The following SPOCK3 variants were observed in gnomAD, a reference collection of about 807,000 sequenced individuals.
SPOCK3 encodes the protein testican-3.
A neutral mutation model predicts 56.6 loss-of-function variants in SPOCK3; 30 were observed. That is an observed-to-expected ratio of 0.53 (90% CI 0.40 to 0.72). SPOCK3 has a LOEUF of 0.72. Ranked by LOEUF, SPOCK3 falls within the 30% of genes least tolerant of loss-of-function variation. The pLI, the probability that SPOCK3 is intolerant of heterozygous loss-of-function variation, is 0.00. For synonymous variants in SPOCK3, 196 were observed against 183.3 expected, an observed-to-expected ratio of 1.07 and a Z score of -0.56; for missense variants, 527 against 530.0, an observed-to-expected ratio of 0.99 and a Z score of 0.06.
At chr4:166,754,282 T>G (rs1736780756) in intron 8 of SPOCK3, 2 of 1,256,894 alleles carry the variant, frequency 1.6e-6, no homozygotes, top group Admixed American at 3.8e-5. Context: ...GTAGTGGCAT[T>G]AATACAAAAT....
At chr4:166,880,216 G>GT (rs1733545769) in intron 6 of SPOCK3, among the ~76,000 whole-genome samples, 1 of 152,128 alleles carries the variant, frequency 6.6e-6, no homozygotes. Flanking sequence ...TCTAATAGCT[G>GT]AAGTCTGTGG....
At chr4:166,778,818 G>T (rs1705807938) in intron 7 of SPOCK3, among the ~76,000 whole-genome samples, 1 of 151,908 alleles carries the variant, frequency 6.6e-6, no homozygotes, top group Admixed American at 6.6e-5. Context: ...TATGTGTAGT[G>T]AATTTCCAAT....
At chr4:166,955,229 A>G (rs1348993665) in intron 4 of SPOCK3, among the ~76,000 whole-genome samples, 1 of 151,728 alleles carries the variant, frequency 6.6e-6, no homozygotes, top group Non-Finnish European at 1.5e-5. Flanking sequence ...AAATATATCA[A>G]TATATTTTTA....
At chr4:167,090,112 T>C (rs1458161634) in intron 2 of SPOCK3, among the ~76,000 whole-genome samples, 5 of 152,190 alleles carry the variant, frequency 3.3e-5, no homozygotes, top group Non-Finnish European at 5.9e-5. Context: ...TGTGGACATA[T>C]GTTTTTATTT....
At chr4:166,949,622 C>T (rs1263513582) in intron 4 of SPOCK3, among the ~76,000 whole-genome samples, 6 of 152,064 alleles carry the variant, frequency 3.9e-5, no homozygotes, top group African/African-American at 1.4e-4. Flanking sequence ...CCCTGTTTGC[C>T]TGGGTATCCA....
At chr4:167,058,206 A>G (rs1446304729) in intron 3 of SPOCK3, among the ~76,000 whole-genome samples, 1 of 152,186 alleles carries the variant, frequency 6.6e-6, no homozygotes, top group Admixed American at 6.5e-5. Context: ...GAGGAAGTCA[A>G]ATTGTCCCTG....
At chr4:166,951,909 A>G (rs1742681916) in intron 4 of SPOCK3, among the ~76,000 whole-genome samples, 1 of 152,218 alleles carries the variant, frequency 6.6e-6, no homozygotes, top group South Asian at 2.1e-4. Flanking sequence ...CTCTCAAAAA[A>G]TTAGGTATTG....
chr4:166,775,655 A>G (rs11933166), intron 7 of SPOCK3, among the ~76,000 whole-genome samples: 18 of 152,246 alleles, frequency 1.2e-4, no homozygotes, highest in African/African-American at 4.1e-4. Context: ...CTTTGGGACT[A>G]CCAACATTTA....
chr4:166,782,555 T>C (rs866227364), intron 7 of SPOCK3, among the ~76,000 whole-genome samples: 36 of 152,044 alleles, frequency 2.4e-4, no homozygotes, highest in African/African-American at 8.2e-4. Context: ...TTCTGGGCCA[T>C]AAAACAGACC....
chr4:166,913,350 C>T (rs1737478346), intron 4 of SPOCK3, among the ~76,000 whole-genome samples: 1 of 152,158 alleles, frequency 6.6e-6, no homozygotes, highest in African/African-American at 2.4e-5. Flanking sequence ...TCTTCTGCCA[C>T]CTACACTTAC....
At chr4:167,058,697 A>G (rs1338168847) in intron 3 of SPOCK3, among the ~76,000 whole-genome samples, 1 of 152,172 alleles carries the variant, frequency 6.6e-6, no homozygotes, top group Non-Finnish European at 1.5e-5. Flanking sequence ...CGCCAAGTCA[A>G]TCCTAAGCCA....
intron 3 of SPOCK3, among the ~76,000 whole-genome samples, chr4:167,059,849 A>G (rs1348476271): frequency 3.9e-5 from 6 of 152,118 alleles, no homozygotes; most frequent in South Asian, 2.1e-4. Context: ...CATGTCCTTT[A>G]TAGCGACATG....
At position 166,889,133 on chromosome 4, in the gene SPOCK3, T is replaced by C; in HGVS notation, c.586A>G (p.Arg196Gly). The change falls in exon 6 of 11, where the codon AGA becomes GGA. Residue 196 changes from arginine to glycine, a missense_variant. Arg to Gly is a moderately radical substitution (Grantham distance 125). Transcript: ENST00000357545. ...TAAATATATTTTTGTCACTTACCTC[T>C]CTTAACATTTCTGCTTGTACTGGTG... Reference protein sequence around the residue: ...KPTSTSRNVKRACSDLEFREV... With the variant: ...KPTSTSRNVKGACSDLEFREV... 6.3e-7 allele frequency: 1 copy of C among 1,585,548 alleles called. No homozygotes were observed. Among genetic ancestry groups the C allele is most frequent in the Non-Finnish European group, 8.7e-7 (1 of 1,154,928 alleles).
chr4:166,740,848 G>C (rs1734772389), intron 9 of SPOCK3, among the ~76,000 whole-genome samples: 1 of 152,076 alleles, frequency 6.6e-6, no homozygotes, highest in Non-Finnish European at 1.5e-5. Flanking sequence ...TTTCATTTGT[G>C]AGCTGTGGTA....
intron 6 of SPOCK3, among the ~76,000 whole-genome samples, chr4:166,826,863 G>T (rs1447865917): frequency 2.0e-5 from 3 of 151,980 alleles, no homozygotes; most frequent in Non-Finnish European, 4.4e-5. Context: ...CTCGAAGAGG[G>T]CAAATGGCCT....
chr4:166,975,415 G>A (rs1745839349), intron 4 of SPOCK3, among the ~76,000 whole-genome samples: 1 of 152,058 alleles, frequency 6.6e-6, no homozygotes, highest in South Asian at 2.1e-4. Context: ...GGGTACATGA[G>A]GTATTCGATA....
At chr4:167,120,960 AT>A (rs1211876312) in intron 2 of SPOCK3, among the ~76,000 whole-genome samples, 1 of 151,826 alleles carries the variant, frequency 6.6e-6, no homozygotes, top group Non-Finnish European at 1.5e-5. Flanking sequence ...CCAAATGTCT[AT>A]TTTTTCAATA....
intron 4 of SPOCK3, among the ~76,000 whole-genome samples, chr4:166,935,879 T>A (rs1054921248): frequency 6.6e-6 from 1 of 152,128 alleles, no homozygotes; most frequent in Non-Finnish European, 1.5e-5. Flanking sequence ...ATAACAACAT[T>A]TGCCTAAAGG....
At position 166,914,945 on chromosome 4, in the gene SPOCK3, T is replaced by A. The variant is rs549789382; in HGVS notation, c.351-2202A>T. Among the ~76,000 whole-genome samples the A allele has an allele frequency of 7.9e-5, 12 of 152,246 alleles. No homozygotes were observed. In the South Asian group the frequency reaches 1.9e-3, roughly 24 times the overall value. ...AAATAAACATGTTCATATTCTTTTT[T>A]TTATTATTATTATACTTTAAGTTTT... On this transcript the variant is annotated intron_variant, in intron 4 of 10. Coordinates refer to ENST00000357545, the MANE Select transcript of SPOCK3 (RefSeq NM_001040159.2).
Sources: gnomAD v4.1 joint callset for allele counts (sites outside exome capture counted in the v4.1 genomes callset) on GRCh38, gnomAD v4.1.1 for gene constraint, MANE v1.5 for transcripts, NCBI Gene and HGNC (gene_info 2026-07-23, HGNC 2026-07-21) for gene names.